Variants in ANKRD44 observed in about 807,000 individuals in gnomAD.
ANKRD44 encodes the protein ankyrin repeat domain 44, also known as serine/threonine-protein phosphatase 6 regulatory ankyrin repeat subunit B.
Under a neutral mutation model 116.0 loss-of-function variants are expected in ANKRD44, and 35 were observed. That is an observed-to-expected ratio of 0.30 (90% CI 0.23 to 0.40). The LOEUF is 0.40. Ranked by LOEUF, ANKRD44 falls within the 10% of genes least tolerant of loss-of-function variation. The probability of loss-of-function intolerance (pLI) is 1.00; values close to 1 mark genes in which losing one functional copy is unlikely to be tolerated. For missense variants in ANKRD44, 1,014 were observed against 1,242.6 expected (o/e 0.82, Z 2.77); for synonymous variants, 435 against 461.8 (o/e 0.94, Z 0.74).
At chr2:196,979,077 C>T (rs1229037886) in intron 21 of ANKRD44, among the ~76,000 whole-genome samples, 2 of 151,936 alleles carry the variant, frequency 1.3e-5, no homozygotes, top group Non-Finnish European at 2.9e-5. Context: ...TAATATCTAC[C>T]TTCTAGAGTA....
chr2:197,280,611 C>T (rs548915075), intron 1 of ANKRD44, among the ~76,000 whole-genome samples: 1 of 152,334 alleles, frequency 6.6e-6, no homozygotes, highest in South Asian at 2.1e-4. Flanking sequence ...TGAGCAACCG[C>T]TGTACAATAG....
chr2:197,156,207 G>A lies in ANKRD44; in HGVS notation c.112-9102C>T, dbSNP rs575367872. Reference sequence around the variant, plus strand: ...CAAAAATACAAAAAATTAGCCGGGCGTGGTGTCAGGCACCTGTAGTCCCAG... The same window carrying A: ...CAAAAATACAAAAAATTAGCCGGGCATGGTGTCAGGCACCTGTAGTCCCAG... On this transcript the variant is annotated intron_variant, in intron 2 of 27. Coordinates refer to ENST00000282272, the MANE Select transcript of ANKRD44 (RefSeq NM_001195144.2). Among the ~76,000 whole-genome samples the A allele has an allele frequency of 3.2e-4, 48 of 152,212 alleles. No homozygotes were observed. In the South Asian group the frequency reaches 6.8e-3, roughly 22 times the overall value.
At chr2:197,231,767 T>C (rs915629328) in intron 1 of ANKRD44, among the ~76,000 whole-genome samples, 1 of 152,122 alleles carries the variant, frequency 6.6e-6, no homozygotes, top group Non-Finnish European at 1.5e-5. Flanking sequence ...GCTCAAAGTC[T>C]TGAATGTAGG....
intron 2 of ANKRD44, among the ~76,000 whole-genome samples, chr2:197,173,759 G>A (rs1391070899): frequency 6.6e-6 from 1 of 152,192 alleles, no homozygotes; most frequent in African/African-American, 2.4e-5. Flanking sequence ...CAGCCCGGGT[G>A]TGGTGGCTCA....
Position 197,150,473 on chromosome 2 carries a change from C to T in ANKRD44, c.112-3368G>A, listed in dbSNP as rs963822667. Among the ~76,000 whole-genome samples, 16 of 151,946 alleles carry T rather than the reference C, an allele frequency of 1.1e-4. 1 individual carries two copies. The highest frequency in any genetic ancestry group is 1.9e-4 in the East Asian group (1 of 5,178). On this transcript the variant is annotated intron_variant, in intron 2 of 27. Coordinates refer to ENST00000282272, the MANE Select transcript of ANKRD44 (RefSeq NM_001195144.2). ...CTGAGGCAGGAGAATGGCATGAACCCGGGAGGCGGAGCTTGCAGTGAGCCA... is the reference window on the plus strand; with the variant it reads ...CTGAGGCAGGAGAATGGCATGAACCTGGGAGGCGGAGCTTGCAGTGAGCCA...
At chr2:197,247,969 A>G (rs896027198) in intron 1 of ANKRD44, among the ~76,000 whole-genome samples, 1 of 152,114 alleles carries the variant, frequency 6.6e-6, no homozygotes, top group African/African-American at 2.4e-5. Context: ...GTGTGCAGCA[A>G]CTAATCACTA....
At chr2:197,088,311 T>C (rs2077971947) in intron 12 of ANKRD44, among the ~76,000 whole-genome samples, 1 of 152,230 alleles carries the variant, frequency 6.6e-6, no homozygotes, top group Non-Finnish European at 1.5e-5. Context: ...AAAATGTCTG[T>C]AAATGAACAT....
chr2:197,249,225 A>C (rs1054765677), intron 1 of ANKRD44, among the ~76,000 whole-genome samples: 26 of 152,342 alleles, frequency 1.7e-4, no homozygotes, highest in African/African-American at 5.8e-4. Context: ...GCAAGCTATG[A>C]TTGTGCCACT....
At chr2:197,251,029 T>G (rs1010830403) in intron 1 of ANKRD44, 4 of 152,360 alleles carry the variant, frequency 2.6e-5, no homozygotes, top group Admixed American at 1.3e-4. Context: ...ACAAGCTTTA[T>G]ACTTTTTCTT....
chr2:197,298,787 C>T (rs185993823), intron 1 of ANKRD44, among the ~76,000 whole-genome samples: 57 of 152,056 alleles, frequency 3.7e-4, no homozygotes, highest in Admixed American at 1.5e-3. Context: ...TGTAGTGGCA[C>T]GCACCTGTAG....
Position 197,089,955 on chromosome 2 carries a change from G to C in ANKRD44, c.1178C>G (p.Ser393Ter). 1.2e-6 allele frequency: 2 copies of C among 1,613,784 alleles called. No individual in the cohort carries two copies. The highest frequency in any genetic ancestry group is 1.7e-6 in the Non-Finnish European group (2 of 1,179,738). The change falls in exon 11 of 28, where the codon TCA (serine) becomes TGA (stop). Residue 393 changes from serine (S) to a stop codon, truncating the protein, a stop_gained. Transcript: ENST00000282272. LOFTEE classifies it high-confidence loss of function. ...AHSDCCRKLLSSGFEIDTPDK... is the reference protein window; with the variant it reads ...AHSDCCRKLL ...CTGCTAACAGATTTACTTACCCGAT[G>C]ATAACAACTTTCTGCAGCAGTCAGA...
intron 21 of ANKRD44, among the ~76,000 whole-genome samples, chr2:196,976,864 T>C (rs568641866): frequency 8.1e-5 from 12 of 147,704 alleles, no homozygotes; most frequent in Non-Finnish European, 1.6e-4. Flanking sequence ...TGAGATCTTG[T>C]CTCAAAAGAA....
intron 2 of ANKRD44, among the ~76,000 whole-genome samples, chr2:197,186,525 C>T (rs1029452098): frequency 4.0e-5 from 6 of 148,358 alleles, no homozygotes; most frequent in African/African-American, 9.8e-5. Context: ...AGTGCAGTGG[C>T]GTGATCAAAG....
At chr2:197,196,525 G>A (rs2080952612) in intron 1 of ANKRD44, among the ~76,000 whole-genome samples, 1 of 152,114 alleles carries the variant, frequency 6.6e-6, no homozygotes, top group Admixed American at 6.5e-5. Context: ...TCACAAATTG[G>A]AAGCTAAATA....
At position 197,186,953 on chromosome 2, in the gene ANKRD44, T is replaced by C. The variant is rs1398935382; in HGVS notation, c.111+70A>G. The C allele has an allele frequency of 6.2e-6, 8 of 1,294,424 alleles. No individual in the cohort carries two copies. In the Admixed American group the frequency reaches 8.5e-5, roughly 14 times the overall value. 80.2% of individuals were successfully genotyped at this position (1,294,424 alleles called of 1,614,324 possible). A position where few individuals can be genotyped will look rare whatever the true frequency, so the allele number is the denominator to read the frequency against. On this transcript the variant is annotated intron_variant, in intron 2 of 27. Transcript: ENST00000282272. ...CCAGATATCAAGAGTCCATGGTATA[T>C]AAAAGGTTAAGAGTCCTTTCCTGCT...
At chr2:197,086,386 G>C (rs1438005844) in intron 13 of ANKRD44, among the ~76,000 whole-genome samples, 1 of 151,906 alleles carries the variant, frequency 6.6e-6, no homozygotes, top group Non-Finnish European at 1.5e-5. Context: ...CACTCTGCTA[G>C]AAACAGAATT....
chr2:197,148,185 A>C (rs1388926793), intron 2 of ANKRD44, among the ~76,000 whole-genome samples: 2 of 152,264 alleles, frequency 1.3e-5, no homozygotes, highest in African/African-American at 4.8e-5. Context: ...GCAGTGCTCC[A>C]TACGAAGCCC....
intron 2 of ANKRD44, among the ~76,000 whole-genome samples, chr2:197,175,902 T>C (rs1023807208): frequency 6.6e-6 from 1 of 152,186 alleles, no homozygotes; most frequent in Non-Finnish European, 1.5e-5. Flanking sequence ...ACATCTCTCT[T>C]GCTTTCATAA....
In ANKRD44 at chr2:197,121,555, G is replaced by T; in HGVS notation, c.694-11C>A. 1.2e-6 allele frequency: 2 copies of T among 1,611,492 alleles called. No homozygotes were observed. The highest frequency in any genetic ancestry group is 3.3e-5 in the Admixed American group (2 of 59,800). On this transcript the variant is annotated splice_polypyrimidine_tract_variant and intron_variant, in intron 7 of 27. Coordinates refer to ENST00000282272, the MANE Select transcript of ANKRD44 (RefSeq NM_001195144.2). ...ATTGATTTCATCAATCTGCAAAAGA[G>T]TCCAACACAGGGTGATTAAAGTCAT...
Sources: allele counts gnomAD v4.1 joint callset (sites outside exome capture counted in the v4.1 genomes callset), GRCh38; gene constraint gnomAD v4.1.1; transcripts MANE v1.5; gene names NCBI Gene and HGNC (gene_info 2026-07-23, HGNC 2026-07-21).